The following EPHA6 variants were observed in gnomAD, a reference collection of about 807,000 sequenced individuals.
The protein encoded by EPHA6 is EPH receptor A6.
EPHA6 carries 50 observed loss-of-function variants against 112.0 expected under a neutral mutation model. The ratio of observed to expected loss-of-function variants is 0.45; its 90% CI spans 0.36 to 0.56. EPHA6 has a LOEUF of 0.56. Among genes scored for constraint, EPHA6 ranks in the 20% least tolerant of loss-of-function variants. The pLI is 0.00. For synonymous variants in EPHA6, 529 were observed against 490.7 expected, an observed-to-expected ratio of 1.08 and a Z score of -1.03; for missense variants, 1,280 against 1,417.4, an observed-to-expected ratio of 0.90 and a Z score of 1.56.
At chr3:97,597,724 A>C (rs1309843115) in intron 12 of EPHA6, among the ~76,000 whole-genome samples, 2 of 152,252 alleles carry the variant, frequency 1.3e-5, no homozygotes, top group Admixed American at 1.3e-4. Context: ...GTCTGGGCTG[A>C]AGTCAGGGAA....
chr3:97,410,863 C>T (rs540015674), intron 6 of EPHA6, among the ~76,000 whole-genome samples: 6 of 152,074 alleles, frequency 3.9e-5, no homozygotes, highest in South Asian at 2.1e-4. Flanking sequence ...TCAACATAGA[C>T]GTGAACTTAC....
chr3:97,189,948 T>G (rs1255610719), intron 3 of EPHA6, among the ~76,000 whole-genome samples: 1 of 151,706 alleles, frequency 6.6e-6, no homozygotes, highest in African/African-American at 2.4e-5. Context: ...TAGATCTCCC[T>G]TCTAGTTGGT....
At chr3:97,746,396 A>G (rs1204761379) in intron 16 of EPHA6, among the ~76,000 whole-genome samples, 1 of 151,760 alleles carries the variant, frequency 6.6e-6, no homozygotes, top group Non-Finnish European at 1.5e-5. Context: ...TTTTACCACC[A>G]AGTATTTTTT....
At chr3:96,845,822 T>C (rs1576125411) in intron 1 of EPHA6, among the ~76,000 whole-genome samples, 1 of 151,950 alleles carries the variant, frequency 6.6e-6, no homozygotes, top group African/African-American at 2.4e-5. Flanking sequence ...TTTGCAATTA[T>C]AGGTCCGGGA....
At chr3:96,907,872 A>G (rs2039016681) in intron 2 of EPHA6, among the ~76,000 whole-genome samples, 1 of 151,970 alleles carries the variant, frequency 6.6e-6, no homozygotes, top group African/African-American at 2.4e-5. Context: ...GAGTTCATAT[A>G]TATGTTTATA....
At chr3:97,296,131 T>A (rs2080866465) in intron 5 of EPHA6, among the ~76,000 whole-genome samples, 1 of 151,930 alleles carries the variant, frequency 6.6e-6, no homozygotes, top group Admixed American at 6.6e-5. Flanking sequence ...AACTTTGGGC[T>A]CCCTAGTGAC....
chr3:97,211,186 A>C (rs528320062), intron 3 of EPHA6, among the ~76,000 whole-genome samples: 1 of 152,212 alleles, frequency 6.6e-6, no homozygotes, highest in Non-Finnish European at 1.5e-5. Context: ...AGAAATTGTC[A>C]AAAGAACATA....
chr3:97,750,997 A>T lies in EPHA6; in HGVS notation c.*2296A>T, dbSNP rs1337523597. ...CACAAATCTGGATACACTTAGAAGAAATATAAAATTTCCATATTTACCTAT... is the reference window on the plus strand; with the variant it reads ...CACAAATCTGGATACACTTAGAAGATATATAAAATTTCCATATTTACCTAT... On this transcript the variant is annotated 3_prime_UTR_variant, in exon 18 of 18. Coordinates refer to ENST00000389672, the MANE Select transcript of EPHA6 (RefSeq NM_001080448.3). Among the ~76,000 whole-genome samples, 2 of 152,272 alleles carry T rather than the reference A, an allele frequency of 1.3e-5. No individual in the cohort carries two copies. The highest frequency in any genetic ancestry group is 6.5e-5 in the Admixed American group (1 of 15,292).
chr3:97,109,230 T>C (rs892886562), intron 3 of EPHA6, among the ~76,000 whole-genome samples: 3 of 152,196 alleles, frequency 2.0e-5, no homozygotes, highest in Non-Finnish European at 4.4e-5. Flanking sequence ...GTGAGTTCTT[T>C]ACCTAGAGCA....
chr3:96,998,987 A>T (rs61222512), intron 3 of EPHA6, among the ~76,000 whole-genome samples: 33,483 of 151,486 alleles, frequency 0.22, 3,922 homozygotes, highest in African/African-American at 0.28. Flanking sequence ...TTTCGTTCTT[A>T]CTTTTTGTTT....
At chr3:97,012,424 G>C (rs2044119275) in intron 3 of EPHA6, among the ~76,000 whole-genome samples, 1 of 151,024 alleles carries the variant, frequency 6.6e-6, no homozygotes, top group Non-Finnish European at 1.5e-5. Flanking sequence ...TCTGGGCTCA[G>C]ATGATCCTCC....
At chr3:97,060,027 A>C (rs931791468) in intron 3 of EPHA6, among the ~76,000 whole-genome samples, 1 of 152,110 alleles carries the variant, frequency 6.6e-6, no homozygotes, top group Non-Finnish European at 1.5e-5. Context: ...AGGCTGAGGC[A>C]GAAGAATCAC....
At chr3:97,747,739 A>G (rs954543074) in intron 17 of EPHA6, among the ~76,000 whole-genome samples, 167 bp downstream of exon 17, 1 of 152,050 alleles carries the variant, frequency 6.6e-6, no homozygotes, top group Non-Finnish European at 1.5e-5. Context: ...ACTTTTAGCT[A>G]TTATTCTTTG....
chr3:97,372,635 G>A (rs1193420054), intron 5 of EPHA6, among the ~76,000 whole-genome samples: 3 of 152,086 alleles, frequency 2.0e-5, no homozygotes, highest in Non-Finnish European at 4.4e-5. Flanking sequence ...AGATGTGCAT[G>A]CATTAACACA....
intron 9 of EPHA6, among the ~76,000 whole-genome samples, chr3:97,481,825 A>C (rs2091561768): frequency 6.6e-6 from 1 of 152,252 alleles, no homozygotes; most frequent in Non-Finnish European, 1.5e-5. Flanking sequence ...ACCTGGATCC[A>C]GACACCTGGG....
At chr3:97,115,571 C>T (rs1909833) in intron 3 of EPHA6, among the ~76,000 whole-genome samples, 6,290 of 151,776 alleles carry the variant, frequency 0.041, 401 homozygotes, top group African/African-American at 0.14. Flanking sequence ...TGTAACTCAG[C>T]ATCATAAATA....
chr3:97,458,067 CAAAAAAAA>C (rs68128372), intron 7 of EPHA6, among the ~76,000 whole-genome samples: 1 of 50,576 alleles, frequency 2.0e-5, no homozygotes, highest in Non-Finnish European at 3.2e-5. Context: ...GACTCCGTCT[CAAAAAAAA>C]AAAAAAAAAA....
intron 5 of EPHA6, among the ~76,000 whole-genome samples, chr3:97,395,837 G>A (rs1474066371): frequency 6.6e-6 from 1 of 151,648 alleles, no homozygotes; most frequent in African/African-American, 2.4e-5. Context: ...AAGAAGGAAG[G>A]CAGGGGCATC....
Position 97,104,328 on chromosome 3 carries a change from C to T in EPHA6, c.1114+116335C>T, listed in dbSNP as rs911420743. Among the ~76,000 whole-genome samples the T allele has an allele frequency of 3.9e-4, 60 of 152,040 alleles. 1 individual carries two copies. The highest frequency in any genetic ancestry group is 3.9e-3 in the Admixed American group (60 of 15,234). On this transcript the variant is annotated intron_variant, in intron 3 of 17. Transcript: ENST00000389672. Reference sequence around the variant, plus strand: ...ATTTCGTGATATGTTTCTTCAATACCTAGTTTGCTGAGAGTTTTAACAAGA... The same window carrying T: ...ATTTCGTGATATGTTTCTTCAATACTTAGTTTGCTGAGAGTTTTAACAAGA...
Sources: allele counts gnomAD v4.1 joint callset (sites outside exome capture counted in the v4.1 genomes callset), GRCh38; gene constraint gnomAD v4.1.1; transcripts MANE v1.5; gene names NCBI Gene and HGNC (gene_info 2026-07-23, HGNC 2026-07-21).